Variants in FRMPD1 observed in about 807,000 individuals in gnomAD.
The protein encoded by FRMPD1 is FERM and PDZ domain containing 1.
FRMPD1 carries 76 observed loss-of-function variants against 117.8 expected under a neutral mutation model. The ratio of observed to expected loss-of-function variants is 0.65; its 90% CI spans 0.54 to 0.78. The LOEUF (loss-of-function observed/expected upper bound fraction) is 0.78. Ranked by LOEUF, FRMPD1 falls within the 30% of genes least tolerant of loss-of-function variation. FRMPD1 has a pLI of 0.00. For synonymous variants in FRMPD1, 783 were observed against 770.4 expected (o/e 1.02, Z -0.27); for missense variants, 1,786 against 1,964.5 (o/e 0.91, Z 1.72).
At chr9:37,733,247 T>C (rs1018441051) in intron 10 of FRMPD1, among the ~76,000 whole-genome samples, 4 of 152,082 alleles carry the variant, frequency 2.6e-5, no homozygotes, top group Non-Finnish European at 4.4e-5. Flanking sequence ...CCAAGAGTAA[T>C]GAGCTCCCAG....
intron 7 of FRMPD1, among the ~76,000 whole-genome samples, chr9:37,724,628 T>C (rs985824218): frequency 6.6e-6 from 1 of 152,232 alleles, no homozygotes; most frequent in African/African-American, 2.4e-5. Flanking sequence ...CAGGCTTCCC[T>C]GCCATTTGTC....
intron 15 of FRMPD1, among the ~76,000 whole-genome samples, chr9:37,742,991 A>G (rs112529324): frequency 6.6e-5 from 10 of 152,256 alleles, no homozygotes; most frequent in African/African-American, 2.4e-4. Context: ...GGAGCAGCCT[A>G]GGACTTGATA....
intron 1 of FRMPD1, among the ~76,000 whole-genome samples, chr9:37,671,930 C>T (rs1821364911): frequency 6.6e-6 from 1 of 152,202 alleles, no homozygotes; most frequent in South Asian, 2.1e-4. Flanking sequence ...CGTGCCACTG[C>T]ACTCCAGCCT....
the FRMPD1 span, among the ~76,000 whole-genome samples, chr9:37,641,730 G>A: frequency 1.1e-4 from 17 of 152,304 alleles, no homozygotes; most frequent in East Asian, 5.8e-4. Flanking sequence ...TTTCCCCTGC[G>A]TCTGGGGACT....
At chr9:37,684,284 C>A (rs566836543) in intron 1 of FRMPD1, among the ~76,000 whole-genome samples, 1 of 152,214 alleles carries the variant, frequency 6.6e-6, no homozygotes, top group Non-Finnish European at 1.5e-5. Flanking sequence ...GTGTGCTTAG[C>A]CAGGTGACTT....
chr9:37,637,264 C>T, the FRMPD1 span: 3 of 1,604,068 alleles, frequency 1.9e-6, no homozygotes, highest in Non-Finnish European at 2.6e-6. Context: ...TCAAAAGCAG[C>T]TTAAACAGGC....
chr9:37,741,185 C>T (rs1202963981), intron 15 of FRMPD1, among the ~76,000 whole-genome samples: 1 of 151,734 alleles, frequency 6.6e-6, no homozygotes, highest in African/African-American at 2.4e-5. Flanking sequence ...ACAGAATTTA[C>T]AAAAAAGGAA....
intron 1 of FRMPD1, among the ~76,000 whole-genome samples, chr9:37,657,999 G>A (rs59353312): frequency 0.055 from 8,313 of 151,850 alleles, 782 homozygotes; most frequent in African/African-American, 0.19. Context: ...CCATTGGCCC[G>A]ATCCTGTCCT....
intron 2 of FRMPD1, among the ~76,000 whole-genome samples, chr9:37,695,246 G>T (rs1822278866): frequency 6.6e-6 from 1 of 152,160 alleles, no homozygotes; most frequent in South Asian, 2.1e-4. Flanking sequence ...GTTTCCCAGA[G>T]TGGCCATACC....
At position 37,707,509 on chromosome 9, in the gene FRMPD1, C is replaced by T; in HGVS notation, c.195C>T (p.Leu65=). The T allele has an allele frequency of 6.2e-7, 1 of 1,613,934 alleles. No individual in the cohort carries two copies. The highest frequency in any genetic ancestry group is 8.5e-7 in the Non-Finnish European group (1 of 1,179,786). ...CAGTAAAGATAGACAAAGACACCCT[C>T]CTCCAGGACTATGGATTTCACATTT... The part of the protein sequence containing the change: ...RHTVKIDKDT[L]LQDYGFHISE... The change falls in exon 3 of 16, where the codon CTC becomes CTT. Residue 65 remains leucine, a synonymous_variant. Transcript: ENST00000377765.
At chr9:37,678,735 C>G (rs973541699) in intron 1 of FRMPD1, among the ~76,000 whole-genome samples, 2 of 152,196 alleles carry the variant, frequency 1.3e-5, no homozygotes, top group Non-Finnish European at 2.9e-5. Flanking sequence ...GAATAAATAT[C>G]TATAGAATAA....
Position 37,730,990 on chromosome 9 carries a change from G to T in FRMPD1, c.745G>T (p.Glu249Ter). Residue 249 changes from glutamate to a stop codon, truncating the protein, a stop_gained, in exon 9 of 16, where the codon GAA becomes TAA. Coordinates refer to ENST00000377765, the MANE Select transcript of FRMPD1 (RefSeq NM_014907.3). LOFTEE classifies it high-confidence loss of function. Reference protein sequence around the residue: ...HEEELIQQVVEREESHDYRCL... With the variant: ...HEEELIQQVV Reference sequence around the variant, plus strand: ...TCTCCCTTACCCATCGCAGGTGGTAGAAAGGGAGGAGTCACATGACTACCG... The same window carrying T: ...TCTCCCTTACCCATCGCAGGTGGTATAAAGGGAGGAGTCACATGACTACCG... 1 of 1,613,986 alleles carries T rather than the reference G, an allele frequency of 6.2e-7. No individual in the cohort carries two copies. Among genetic ancestry groups the T allele is most frequent in the Non-Finnish European group, 8.5e-7 (1 of 1,179,912 alleles).
chr9:37,673,985 C>G (rs1821441412), intron 1 of FRMPD1, among the ~76,000 whole-genome samples: 1 of 152,256 alleles, frequency 6.6e-6, no homozygotes, highest in African/African-American at 2.4e-5. Flanking sequence ...GACATTTTCC[C>G]TATTGTCTTG....
the FRMPD1 span, among the ~76,000 whole-genome samples, chr9:37,636,286 G>A: frequency 6.6e-6 from 1 of 152,326 alleles, no homozygotes; most frequent in East Asian, 1.9e-4. Context: ...GGGCAGTAGA[G>A]GCCGGGGAGA....
At chr9:37,628,727 C>T in the FRMPD1 span, among the ~76,000 whole-genome samples, 1 of 152,206 alleles carries the variant, frequency 6.6e-6, no homozygotes, top group African/African-American at 2.4e-5. Flanking sequence ...GGAGAAGGGA[C>T]TTAGGCCTGA....
At chr9:37,707,091 C>T (rs953228742) in intron 2 of FRMPD1, among the ~76,000 whole-genome samples, 1 of 152,190 alleles carries the variant, frequency 6.6e-6, no homozygotes, top group Non-Finnish European at 1.5e-5. Context: ...GCCACCTCTT[C>T]CAAGTACCAG....
At chr9:37,727,837 C>G (rs1288923412) in intron 7 of FRMPD1, 1 of 152,108 alleles carries the variant, frequency 6.6e-6, no homozygotes, top group Non-Finnish European at 1.5e-5. Flanking sequence ...GGCTCCGAAT[C>G]AGGAGTCATG....
rs79194922 is a variant in FRMPD1 at position 37,666,541 on chromosome 9, T to C, written c.-5+15447T>C. ...CTTCCCCTGGTGTGCCCCCGTTGCC[T>C]TTCTCCCTACCCCTGCAGGTCTTAT... is the stretch of plus-strand genomic sequence containing the variant. On this transcript the variant is annotated intron_variant, in intron 1 of 15. Coordinates refer to ENST00000377765, the MANE Select transcript of FRMPD1 (RefSeq NM_014907.3). Among the ~76,000 whole-genome samples, 1,347 of 152,204 alleles carry C rather than the reference T, an allele frequency of 8.8e-3. 17 individuals carry two copies. The highest frequency in any genetic ancestry group is 0.031 in the African/African-American group (1,295 of 41,508).
Position 37,740,038 on chromosome 9 carries a change from G to T in FRMPD1, c.1550-40G>T, listed in dbSNP as rs780145388. ...GGGCTAGAAGGACACATAGGTAGGA[G>T]AATTCTGTTGTGTAACTGTTGCTGT... On this transcript the variant is annotated intron_variant, in intron 14 of 15. Transcript: ENST00000377765. This position sits in a 1 kb window ranked among gnomAD's most constrained non-coding sequence, Gnocchi z 4.2. The T allele has an allele frequency of 5.7e-6, 8 of 1,411,090 alleles. No individual in the cohort carries two copies. The highest frequency in any genetic ancestry group is 1.3e-5 in the South Asian group (1 of 75,600). 87.4% of individuals were successfully genotyped at this position (1,411,090 alleles called of 1,614,324 possible).
Sources: allele counts gnomAD v4.1 joint callset (sites outside exome capture counted in the v4.1 genomes callset), GRCh38; gene constraint gnomAD v4.1.1; non-coding constraint Gnocchi (gnomAD v3.1); transcripts MANE v1.5; gene names NCBI Gene and HGNC (gene_info 2026-07-23, HGNC 2026-07-21).